Variants in ADAMTSL1 observed in about 807,000 individuals in gnomAD.
ADAMTSL1 encodes the protein ADAMTS-like protein 1.
Under a neutral mutation model 201.8 loss-of-function variants are expected in ADAMTSL1, and 126 were observed. The ratio of observed to expected loss-of-function variants is 0.62; its 90% confidence interval spans 0.54 to 0.72. The LOEUF (loss-of-function observed/expected upper bound fraction) is 0.72. Among genes scored for constraint, ADAMTSL1 ranks in the 30% least tolerant of loss-of-function variants. The pLI is 0.00. For synonymous variants in ADAMTSL1, 1,121 were observed against 903.4 expected, an observed-to-expected ratio of 1.24 and a Z score of -4.32; for missense variants, 2,679 against 2,277.8, an observed-to-expected ratio of 1.18 and a Z score of -3.59.
At chr9:18,863,225 C>G (rs1270471874) in intron 23 of ADAMTSL1, among the ~76,000 whole-genome samples, 1 of 152,160 alleles carries the variant, frequency 6.6e-6, no homozygotes, top group East Asian at 1.9e-4. Flanking sequence ...AGGTAGTAAC[C>G]ACACAGTAAC....
At chr9:18,152,250 A>G (rs1334622270) in intron 1 of ADAMTSL1, among the ~76,000 whole-genome samples, 1 of 151,942 alleles carries the variant, frequency 6.6e-6, no homozygotes, top group Non-Finnish European at 1.5e-5. Context: ...TGGAGGGGAG[A>G]TTATAGGTGC....
chr9:18,227,203 A>G (rs1830461878), intron 2 of ADAMTSL1, among the ~76,000 whole-genome samples: 1 of 152,076 alleles, frequency 6.6e-6, no homozygotes, highest in African/African-American at 2.4e-5. Context: ...TACTATATCC[A>G]TGCTAAATCG....
chr9:18,211,722 G>A (rs1829878735), intron 2 of ADAMTSL1, among the ~76,000 whole-genome samples: 1 of 152,148 alleles, frequency 6.6e-6, no homozygotes, highest in African/African-American at 2.4e-5. Context: ...AGCATCTGAA[G>A]CTAAAGATAC....
At chr9:18,116,503 C>T (rs1203021060) in intron 1 of ADAMTSL1, among the ~76,000 whole-genome samples, 5 of 152,086 alleles carry the variant, frequency 3.3e-5, no homozygotes, top group African/African-American at 4.8e-5. Flanking sequence ...GTCAGATTGG[C>T]ACATTGCTTG....
chr9:18,615,058 T>C (rs1825613011), intron 4 of ADAMTSL1, among the ~76,000 whole-genome samples: 1 of 152,226 alleles, frequency 6.6e-6, no homozygotes, highest in Non-Finnish European at 1.5e-5. Context: ...AATGAGATGA[T>C]TGGTGTTTTG....
intron 10 of ADAMTSL1, among the ~76,000 whole-genome samples, chr9:18,677,375 T>A (rs928502864): frequency 6.6e-6 from 1 of 151,956 alleles, no homozygotes; most frequent in Non-Finnish European, 1.5e-5. Context: ...TAGCAAAAAA[T>A]TAATTTTTTG....
At chr9:18,001,647 G>A (rs897062691) in intron 1 of ADAMTSL1, among the ~76,000 whole-genome samples, 1 of 152,002 alleles carries the variant, frequency 6.6e-6, no homozygotes, top group African/African-American at 2.4e-5. Flanking sequence ...GTAAAGAAGG[G>A]CATTCCAGGA....
chr9:18,024,598 A>G (rs778637585), intron 1 of ADAMTSL1, among the ~76,000 whole-genome samples: 2 of 152,116 alleles, frequency 1.3e-5, no homozygotes, highest in South Asian at 2.1e-4. Flanking sequence ...ACATGATTCC[A>G]TTCTTTTTTA....
intron 2 of ADAMTSL1, among the ~76,000 whole-genome samples, chr9:18,208,884 G>C (rs1317403381): frequency 6.6e-6 from 1 of 152,166 alleles, no homozygotes; most frequent in African/African-American, 2.4e-5. Context: ...CCACAAACCA[G>C]ACTTCTAAAC....
intron 2 of ADAMTSL1, among the ~76,000 whole-genome samples, chr9:18,292,635 C>G (rs776893461): frequency 7.9e-5 from 12 of 152,154 alleles, no homozygotes; most frequent in Non-Finnish European, 1.5e-4. Context: ...CTTGCTAAGT[C>G]TTCCAGCCTT....
chr9:18,787,778 T>C (rs1450706834), intron 19 of ADAMTSL1, among the ~76,000 whole-genome samples: 1 of 152,196 alleles, frequency 6.6e-6, no homozygotes, highest in Non-Finnish European at 1.5e-5. Context: ...TAAAACTTTA[T>C]TTATAAAAGC....
chr9:18,558,615 C>T (rs1235943925), intron 3 of ADAMTSL1, among the ~76,000 whole-genome samples: 1 of 152,210 alleles, frequency 6.6e-6, no homozygotes, highest in African/African-American at 2.4e-5. Flanking sequence ...AACTAACTTA[C>T]ACTTCCATCA....
chr9:18,903,235 C>T (rs573942174), intron 26 of ADAMTSL1, among the ~76,000 whole-genome samples: 32 of 152,058 alleles, frequency 2.1e-4, no homozygotes, highest in African/African-American at 7.2e-4. Flanking sequence ...AAGTATTAAT[C>T]AAAAGTAAAG....
At chr9:18,770,551 G>C in intron 16 of ADAMTSL1, 51 bp from the exon 17 acceptor site, 1 of 1,526,752 alleles carries the variant, frequency 6.5e-7, no homozygotes, top group Non-Finnish European at 8.9e-7. Context: ...CAGTCAGACT[G>C]CCTTCCCATA....
At chr9:18,096,338 G>A (rs1005220372) in intron 1 of ADAMTSL1, among the ~76,000 whole-genome samples, 3 of 152,104 alleles carry the variant, frequency 2.0e-5, no homozygotes, top group South Asian at 2.1e-4. Context: ...ATCAATAAAC[G>A]TATATTTAAT....
chr9:17,934,859 T>A (rs1382948061), intron 1 of ADAMTSL1, among the ~76,000 whole-genome samples: 1 of 150,808 alleles, frequency 6.6e-6, no homozygotes, highest in Non-Finnish European at 1.5e-5. Flanking sequence ...TTCAAGGATA[T>A]TCTTCTAGTA....
intron 1 of ADAMTSL1, among the ~76,000 whole-genome samples, chr9:17,994,647 G>T (rs926048880): frequency 6.6e-6 from 1 of 152,122 alleles, no homozygotes; most frequent in Non-Finnish European, 1.5e-5. Context: ...TTAAGATAAA[G>T]TTAACAAAGC....
At chr9:18,784,593 A>T (rs1821591518) in intron 19 of ADAMTSL1, among the ~76,000 whole-genome samples, 1 of 152,152 alleles carries the variant, frequency 6.6e-6, no homozygotes, top group Non-Finnish European at 1.5e-5. Flanking sequence ...AAACCCTGAG[A>T]TTCTGTGACA....
chr9:18,741,454 A>T (rs929223185), intron 15 of ADAMTSL1, among the ~76,000 whole-genome samples: 2 of 152,226 alleles, frequency 1.3e-5, no homozygotes, highest in African/African-American at 4.8e-5. Flanking sequence ...TGGCCTTCCC[A>T]GGCATTTCAC....
Sources: allele counts gnomAD v4.1 joint callset (sites outside exome capture counted in the v4.1 genomes callset), GRCh38; gene constraint gnomAD v4.1.1; transcripts MANE v1.5; gene names NCBI Gene and HGNC (gene_info 2026-07-23, HGNC 2026-07-21).